The following RBM20 variants were observed in gnomAD, a reference collection of about 807,000 sequenced individuals.
The protein encoded by RBM20 is RNA binding motif protein 20.
In RBM20, 51 loss-of-function variants were observed where a neutral mutation model predicts 110.1. The ratio of observed to expected loss-of-function variants is 0.46; its 90% confidence interval spans 0.37 to 0.59. RBM20 has a LOEUF of 0.59. Among genes scored for constraint, RBM20 ranks in the 20% least tolerant of loss-of-function variants. The pLI is 0.00. For missense variants in RBM20, 1,512 were observed against 1,574.9 expected (o/e 0.96, Z 0.68); for synonymous variants, 589 against 618.2 (o/e 0.95, Z 0.70).
chr10:110,662,356 A>G (rs1004704292), intron 1 of RBM20, among the ~76,000 whole-genome samples: 2 of 152,212 alleles, frequency 1.3e-5, no homozygotes, highest in Non-Finnish European at 2.9e-5. Flanking sequence ...GGGGAGACAG[A>G]GATTATGTGT....
intron 1 of RBM20, among the ~76,000 whole-genome samples, chr10:110,650,863 GC>G (rs1861936159): frequency 6.6e-6 from 1 of 152,160 alleles, no homozygotes; most frequent in African/African-American, 2.4e-5. Flanking sequence ...TTTTAAAGAT[GC>G]ATTGGTTTCA....
Position 110,836,014 on chromosome 10 carries a change from G to A in RBM20, c.*36G>A, listed in dbSNP as rs773393948. The A allele has an allele frequency of 1.3e-5, 11 of 847,312 alleles. No homozygotes were observed. The East Asian group carries it at 2.8e-4, about 21-fold the overall frequency. The allele number at this position is 847,312 out of a possible 1,614,324, so 52.5% of individuals were successfully genotyped here. On this transcript the variant is annotated 3_prime_UTR_variant, in exon 14 of 14. Coordinates refer to ENST00000369519, the MANE Select transcript of RBM20 (RefSeq NM_001134363.3). ...TCTGCTGCTACTGCTGCTGCTGCAA[G>A]GTTGGAAAGGAGAGCTTGCTGAAGT... is the stretch of plus-strand genomic sequence containing the variant.
At chr10:110,784,672 C>A in intron 4 of RBM20, 120 bp from the exon 5 acceptor site, 1 of 744,906 alleles carries the variant, frequency 1.3e-6, no homozygotes, top group Non-Finnish European at 2.4e-6. Flanking sequence ...TACAATCATG[C>A]CAATCACTAA....
Position 110,672,212 on chromosome 10 carries a change from G to T in RBM20, c.191+27567G>T, listed in dbSNP as rs539955945. Among the ~76,000 whole-genome samples the T allele has an allele frequency of 1.2e-4, 18 of 152,350 alleles. No individual in the cohort carries two copies. The East Asian group carries it at 2.3e-3, about 20-fold the overall frequency. On this transcript the variant is annotated intron_variant, in intron 1 of 13. Transcript: ENST00000369519. ...AGGGTTCTGCCACGAGGGAGGCGAT[G>T]CCTGGCGCCGCGGGTGGGGGCAGTG...
At chr10:110,735,077 CT>C (rs916474738) in intron 1 of RBM20, among the ~76,000 whole-genome samples, 4 of 152,252 alleles carry the variant, frequency 2.6e-5, no homozygotes, top group African/African-American at 9.6e-5. Context: ...TATCGCAGGG[CT>C]TGTGTTCAAG....
intron 1 of RBM20, among the ~76,000 whole-genome samples, chr10:110,717,464 A>C (rs1409632257): frequency 6.6e-6 from 1 of 152,172 alleles, no homozygotes; most frequent in African/African-American, 2.4e-5. Context: ...CCTGGGTGAC[A>C]GGCCCCCAAG....
At chr10:110,735,560 A>G (rs1343240163) in intron 1 of RBM20, among the ~76,000 whole-genome samples, 1 of 152,206 alleles carries the variant, frequency 6.6e-6, no homozygotes, top group Non-Finnish European at 1.5e-5. Flanking sequence ...ATAGGTTACT[A>G]TTACTGACAG....
intron 7 of RBM20, among the ~76,000 whole-genome samples, chr10:110,807,625 T>C (rs1231753193): frequency 6.6e-6 from 1 of 152,210 alleles, no homozygotes; most frequent in Non-Finnish European, 1.5e-5. Flanking sequence ...TCATAGTCAC[T>C]CTGCCATGGG....
At chr10:110,693,079 A>T (rs962041524) in intron 1 of RBM20, among the ~76,000 whole-genome samples, 2 of 151,688 alleles carry the variant, frequency 1.3e-5, no homozygotes, top group Admixed American at 1.3e-4. Flanking sequence ...ATTTTTTTAT[A>T]TTGAACTATC....
chr10:110,826,690 C>A (rs1564666522), intron 12 of RBM20, among the ~76,000 whole-genome samples: 1 of 151,766 alleles, frequency 6.6e-6, no homozygotes, highest in Non-Finnish European at 1.5e-5. Flanking sequence ...TCAAGTGATT[C>A]TCCTGCCTCA....
At chr10:110,664,704 G>A (rs1862152303) in intron 1 of RBM20, among the ~76,000 whole-genome samples, 1 of 152,026 alleles carries the variant, frequency 6.6e-6, no homozygotes, top group Non-Finnish European at 1.5e-5. Flanking sequence ...CCGAGATGGT[G>A]CCACTGCACT....
intron 7 of RBM20, 51 bp downstream of exon 7, chr10:110,799,969 T>C: frequency 6.6e-7 from 1 of 1,526,582 alleles, no homozygotes; most frequent in Non-Finnish European, 8.9e-7. Flanking sequence ...CAGATGAGTT[T>C]CTCCTCCGTG....
intron 5 of RBM20, among the ~76,000 whole-genome samples, chr10:110,793,331 T>C (rs547494202): frequency 6.6e-5 from 10 of 152,320 alleles, no homozygotes; most frequent in African/African-American, 2.2e-4. Flanking sequence ...ATCTTCATAT[T>C]TGGAAAGATT....
Position 110,817,483 on chromosome 10 carries a change from C to T in RBM20, c.2551-2589C>T, listed in dbSNP as rs1844855296. 2.0e-5 allele frequency among the ~76,000 whole-genome samples: 3 copies of T among 152,142 alleles called. No homozygotes were observed. In the South Asian group the frequency reaches 6.2e-4, roughly 32 times the overall value. On this transcript the variant is annotated intron_variant, in intron 9 of 13. Transcript: ENST00000369519. ...GTGAGAACTTGTTATTCGCCCCACC[C>T]CCTTCTACCAATTTCATTCTTTTAT...
Position 110,780,755 on chromosome 10 carries a change from C to T in RBM20, c.192-46C>T, listed in dbSNP as rs140119703. On this transcript the variant is annotated intron_variant, in intron 1 of 13. Transcript: ENST00000369519. Reference sequence around the variant, plus strand: ...ATAACAAAGAACAGCCCCTTGCCCCCCTCATTGAAAACCAGCTGTGCATCT... The same window carrying T: ...ATAACAAAGAACAGCCCCTTGCCCCTCTCATTGAAAACCAGCTGTGCATCT... 9.6e-5 allele frequency: 141 copies of T among 1,468,818 alleles called. 1 individual carries two copies. In the African/African-American group the frequency reaches 1.9e-3, roughly 19 times the overall value. The allele number at this position is 1,468,818 out of a possible 1,614,324, so 91.0% of individuals were successfully genotyped here.
intron 6 of RBM20, among the ~76,000 whole-genome samples, 152 bp from the exon 7 acceptor site, chr10:110,799,635 C>T (rs1231835675): frequency 1.3e-5 from 2 of 152,204 alleles, no homozygotes; most frequent in Non-Finnish European, 2.9e-5. Context: ...TCCCCATCCC[C>T]ACCTGAGAGA....
chr10:110,711,329 C>CAAAAAAAAAAAAA (rs1157753270), intron 1 of RBM20, among the ~76,000 whole-genome samples: 1 of 28,402 alleles, frequency 3.5e-5, no homozygotes, highest in Non-Finnish European at 5.8e-5. Flanking sequence ...GACTCCATCT[C>CAAAAAAAAAAAAA]AAAAAAAAAA....
At chr10:110,819,579 A>G (rs1238469788) in intron 9 of RBM20, among the ~76,000 whole-genome samples, 1 of 152,172 alleles carries the variant, frequency 6.6e-6, no homozygotes, top group Admixed American at 6.5e-5. Flanking sequence ...TTGGGCTATC[A>G]CTCAAGGACA....
chr10:110,706,159 G>A (rs1862835299), intron 1 of RBM20, among the ~76,000 whole-genome samples: 1 of 152,172 alleles, frequency 6.6e-6, no homozygotes, highest in Non-Finnish European at 1.5e-5. Flanking sequence ...AAAATCTCTA[G>A]AGACAACATC....
Sources: allele counts gnomAD v4.1 joint callset (sites outside exome capture counted in the v4.1 genomes callset), GRCh38; gene constraint gnomAD v4.1.1; transcripts MANE v1.5; gene names NCBI Gene and HGNC (gene_info 2026-07-23, HGNC 2026-07-21).